Variants in PTPRO observed in about 807,000 individuals in gnomAD.
PTPRO encodes the protein receptor-type tyrosine-protein phosphatase O.
In PTPRO, 62 loss-of-function variants were observed where a neutral mutation model predicts 145.2. That is an observed-to-expected ratio of 0.43 (90% confidence interval 0.35 to 0.53). The LOEUF is 0.53. Among genes scored for constraint, PTPRO ranks in the 20% least tolerant of loss-of-function variants. PTPRO has a pLI of 0.01. For missense variants in PTPRO, 1,345 were observed against 1,482.7 expected (o/e 0.91, Z 1.53); for synonymous variants, 565 against 514.7 (o/e 1.10, Z -1.32).
rs557940098 is a variant in PTPRO at position 15,405,803 on chromosome 12, T to C, written c.76-78171T>C. 3.3e-5 allele frequency among the ~76,000 whole-genome samples: 5 copies of C among 152,296 alleles called. No individual in the cohort carries two copies. The South Asian group carries it at 1.0e-3, about 32-fold the overall frequency. ...TATTTAATACTAGAAGATGAGTTAA[T>C]AATAAACTGCTCCATTTCATCGAGA... On this transcript the variant is annotated intron_variant, in intron 1 of 26. Transcript: ENST00000281171.
chr12:15,444,169 T>A (rs553044426), intron 1 of PTPRO, among the ~76,000 whole-genome samples: 6 of 152,206 alleles, frequency 3.9e-5, no homozygotes, highest in African/African-American at 1.4e-4. Context: ...GAGAACAAAA[T>A]TATGTCCTTT....
chr12:15,379,321 C>A (rs1202885805), intron 1 of PTPRO, among the ~76,000 whole-genome samples: 1 of 150,652 alleles, frequency 6.6e-6, no homozygotes, highest in East Asian at 2.0e-4. Context: ...GAGTTCAAGA[C>A]CAGCCTTGCC....
At chr12:15,569,234 CT>C (rs1272647409) in intron 18 of PTPRO, among the ~76,000 whole-genome samples, 182 bp from the exon 19 acceptor site, 1 of 151,632 alleles carries the variant, frequency 6.6e-6, no homozygotes, top group African/African-American at 2.4e-5. Context: ...ATATGCCCTT[CT>C]TTTCAATTGC....
At chr12:15,366,077 A>G (rs1305955775) in intron 1 of PTPRO, among the ~76,000 whole-genome samples, 1 of 152,210 alleles carries the variant, frequency 6.6e-6, no homozygotes, top group Non-Finnish European at 1.5e-5. Flanking sequence ...ACACAAGATA[A>G]TAATGAGTAG....
At chr12:15,517,981 C>A (rs921184654) in intron 9 of PTPRO, among the ~76,000 whole-genome samples, 7 of 150,798 alleles carry the variant, frequency 4.6e-5, no homozygotes, top group African/African-American at 1.5e-4. Flanking sequence ...AGGCAGTACC[C>A]CAGTAGGGAC....
At chr12:15,388,644 A>G (rs1279470706) in intron 1 of PTPRO, among the ~76,000 whole-genome samples, 2 of 152,206 alleles carry the variant, frequency 1.3e-5, no homozygotes, top group East Asian at 1.9e-4. Context: ...TTTTAGGAGG[A>G]TAGATAACAG....
At chr12:15,433,872 G>T (rs1307823135) in intron 1 of PTPRO, among the ~76,000 whole-genome samples, 1 of 152,122 alleles carries the variant, frequency 6.6e-6, no homozygotes, top group African/African-American at 2.4e-5. Flanking sequence ...TTTTAAAATA[G>T]TTTTTTTCTA....
chr12:15,395,809 TCACACA>T lies in PTPRO; in HGVS notation c.75+73034_75+73039del, dbSNP rs34553766. Among the ~76,000 whole-genome samples the T allele has an allele frequency of 7.5e-4, 111 of 147,978 alleles. 2 individuals are homozygous for T. Among genetic ancestry groups the T allele is most frequent in the African/African-American group, 2.0e-3 (83 of 40,528 alleles). ...TATGACAGCACTGGACAATTAAAGATCACACACACACACACACACACACACACACAC... is the reference window on the plus strand; with the variant it reads ...TATGACAGCACTGGACAATTAAAGATCACACACACACACACACACACACAC... On this transcript the variant is annotated intron_variant, in intron 1 of 26. Transcript: ENST00000281171.
At chr12:15,535,445 A>G (rs1943047933) in intron 12 of PTPRO, among the ~76,000 whole-genome samples, 1 of 152,146 alleles carries the variant, frequency 6.6e-6, no homozygotes, top group South Asian at 2.1e-4. Flanking sequence ...ACAAAACAAA[A>G]ACAGAATTGC....
intron 1 of PTPRO, among the ~76,000 whole-genome samples, chr12:15,338,509 A>C (rs1866848563): frequency 6.6e-6 from 1 of 152,286 alleles, no homozygotes; most frequent in African/African-American, 2.4e-5. Context: ...TGTATATTGG[A>C]CTATATTCTT....
In PTPRO at chr12:15,594,924, T is replaced by C; in HGVS notation, c.3547-13T>C. ...ATGTCTGCTCTGAAACCTGTTTTTG[T>C]CTTTTGTTCCAGGAGCAGTACATTT... On this transcript the variant is annotated splice_polypyrimidine_tract_variant and intron_variant, in intron 25 of 26. Coordinates refer to ENST00000281171, the MANE Select transcript of PTPRO (RefSeq NM_030667.3). 1 of 1,601,956 alleles carries C rather than the reference T, an allele frequency of 6.2e-7. No individual in the cohort carries two copies.
chr12:15,580,960 AT>A (rs1301200517), intron 22 of PTPRO, 129 bp downstream of exon 22: 39 of 1,292,114 alleles, frequency 3.0e-5, no homozygotes, highest in Non-Finnish European at 4.2e-5. Flanking sequence ...AAAACATTGT[AT>A]TCGGGAAGCA....
intron 1 of PTPRO, among the ~76,000 whole-genome samples, chr12:15,388,811 C>CT (rs1282402522): frequency 2.0e-5 from 3 of 152,094 alleles, no homozygotes; most frequent in African/African-American, 7.2e-5. Flanking sequence ...ATTTTGTTCT[C>CT]TGAAATTGTT....
chr12:15,530,502 A>G (rs752964332), intron 12 of PTPRO, among the ~76,000 whole-genome samples: 3 of 152,214 alleles, frequency 2.0e-5, no homozygotes, highest in Non-Finnish European at 2.9e-5. Flanking sequence ...AACAAATTCA[A>G]AAAGTACATA....
intron 9 of PTPRO, among the ~76,000 whole-genome samples, chr12:15,519,477 A>C (rs1387740219): frequency 2.0e-5 from 3 of 152,214 alleles, no homozygotes; most frequent in African/African-American, 7.2e-5. Context: ...GCTAGCTGTC[A>C]ACTCTAATTG....
At position 15,549,268 on chromosome 12, in the gene PTPRO, A is replaced by AAT. The variant is rs10541885; in HGVS notation, c.2437+57_2437+58dup. ...GTGTATAATTTTCTCACTTTTTTTG[A>AAT]ATATATATATATATATGTATTTGTA... On this transcript the variant is annotated intron_variant, in intron 14 of 26. Transcript: ENST00000281171. The AAT allele has an allele frequency of 8.1e-3, 10,841 of 1,342,032 alleles. 55 individuals carry two copies. Among genetic ancestry groups the AAT allele is most frequent in the African/African-American group, 0.046 (2,973 of 64,604 alleles). 83.1% of individuals were successfully genotyped at this position (1,342,032 alleles called of 1,614,324 possible). A position where few individuals can be genotyped will look rare whatever the true frequency, so the allele number is the denominator to read the frequency against.
At chr12:15,584,402 G>GA (rs1271030085) in intron 23 of PTPRO, among the ~76,000 whole-genome samples, 1 of 152,144 alleles carries the variant, frequency 6.6e-6, no homozygotes, top group Non-Finnish European at 1.5e-5. Context: ...GCACGTAGTA[G>GA]AAAAAATTTC....
chr12:15,411,777 A>G (rs1405135322), intron 1 of PTPRO, among the ~76,000 whole-genome samples: 2 of 152,176 alleles, frequency 1.3e-5, no homozygotes, highest in East Asian at 3.8e-4. Context: ...ATGTTATTCC[A>G]TTTTTCAAGA....
At chr12:15,548,485 C>T (rs1430395691) in intron 13 of PTPRO, among the ~76,000 whole-genome samples, 1 of 151,510 alleles carries the variant, frequency 6.6e-6, no homozygotes, top group Non-Finnish European at 1.5e-5. Flanking sequence ...CACATATATA[C>T]ATATTACATG....
Sources: gnomAD v4.1 joint callset for allele counts (sites outside exome capture counted in the v4.1 genomes callset) on GRCh38, gnomAD v4.1.1 for gene constraint, MANE v1.5 for transcripts, NCBI Gene and HGNC (gene_info 2026-07-23, HGNC 2026-07-21) for gene names.